Variants in ANKRD13D observed in about 807,000 individuals in gnomAD.
ANKRD13D encodes ankyrin repeat domain-containing protein 13D.
A neutral mutation model predicts 68.8 loss-of-function variants in ANKRD13D; 24 were observed. That is an observed-to-expected ratio of 0.35 (90% CI 0.25 to 0.49). The LOEUF (loss-of-function observed/expected upper bound fraction) is 0.49. Ranked by LOEUF, ANKRD13D falls within the 20% of genes least tolerant of loss-of-function variation. ANKRD13D has a pLI of 0.99. For missense variants in ANKRD13D, 735 were observed against 832.1 expected (o/e 0.88, Z 1.44); for synonymous variants, 331 against 336.1 (o/e 0.98, Z 0.16).
rs1009182671 is a variant in ANKRD13D at position 67,291,826 on chromosome 11, T to C, written c.541+80T>C. The C allele has an allele frequency of 1.4e-5, 22 of 1,560,702 alleles. No homozygotes were observed. The African/African-American group carries it at 3.0e-4, about 21-fold the overall frequency. ...TGGGAGGACGGTGCTGCCTTTTCTC[T>C]CCACTTTCCAGATGTGGAAGCTGAG... On this transcript the variant is annotated intron_variant, in intron 5 of 14. Transcript: ENST00000511455.
chr11:67,296,564 T>C (rs1860763861), intron 6 of ANKRD13D, among the ~76,000 whole-genome samples: 1 of 152,206 alleles, frequency 6.6e-6, no homozygotes, highest in African/African-American at 2.4e-5. Context: ...TTTATTTCTG[T>C]TGCTCCCCTC....
At chr11:67,289,889 G>C (rs899554011) in intron 1 of ANKRD13D, 189 bp from the exon 2 acceptor site, 12 of 1,431,666 alleles carry the variant, frequency 8.4e-6, no homozygotes, top group Non-Finnish European at 9.1e-6. Context: ...GCCAGACCCC[G>C]GCTCTGCCCC....
chr11:67,299,150 T>C lies in ANKRD13D; in HGVS notation c.798+26T>C. 1 of 569,770 alleles carries C rather than the reference T, an allele frequency of 1.8e-6. No homozygotes were observed. Among genetic ancestry groups the C allele is most frequent in the Non-Finnish European group, 3.1e-6 (1 of 325,272 alleles). The allele number at this position is 569,770 out of a possible 1,614,324, so 35.3% of individuals were successfully genotyped here. A position where few individuals can be genotyped will look rare whatever the true frequency, so the allele number is the denominator to read the frequency against. ...GCAGGAGAGGCTAGGGGTGGGGGGC[T>C]GGGGGTAGGAGATGAGGTCCAGGAA... is the stretch of plus-strand genomic sequence containing the variant. On this transcript the variant is annotated intron_variant, in intron 7 of 14. Transcript: ENST00000511455. The surrounding 1 kb of genome is among the most constrained non-coding windows in gnomAD (Gnocchi z 6.2).
At chr11:67,293,211 C>T (rs1860646798) in intron 6 of ANKRD13D, among the ~76,000 whole-genome samples, 1 of 152,118 alleles carries the variant, frequency 6.6e-6, no homozygotes, top group Non-Finnish European at 1.5e-5. Context: ...TTACTGATAA[C>T]TCATTGTTTA....
Position 67,301,483 on chromosome 11 carries a change from C to T in ANKRD13D, c.1349-5C>T. The T allele has an allele frequency of 1.2e-6, 2 of 1,611,788 alleles. No individual in the cohort carries two copies. Among genetic ancestry groups the T allele is most frequent in the Non-Finnish European group, 1.7e-6 (2 of 1,179,094 alleles). On this transcript the variant is annotated splice_region_variant and splice_polypyrimidine_tract_variant and intron_variant, in intron 12 of 14. Transcript: ENST00000511455. The surrounding 1 kb of genome is among the most constrained non-coding windows in gnomAD (Gnocchi z 4.5). ...TTGAGCGTGGCCCCTCTGCCACCTGCCTAGGGAACCCTTTCCCGTGCGAGG... is the reference window on the plus strand; with the variant it reads ...TTGAGCGTGGCCCCTCTGCCACCTGTCTAGGGAACCCTTTCCCGTGCGAGG...
In ANKRD13D at chr11:67,289,557, C is replaced by T. The variant is rs1860440404; in HGVS notation, c.90+7C>T. On this transcript the variant is annotated splice_region_variant and intron_variant, in intron 1 of 14. Transcript: ENST00000511455. Reference sequence around the variant, plus strand: ...CGCACTGCACAGCCACCAGGTGAGGCCCCGCTGGGGCACCCGGCCCTTCCC... The same window carrying T: ...CGCACTGCACAGCCACCAGGTGAGGTCCCGCTGGGGCACCCGGCCCTTCCC... 6.6e-7 allele frequency: 1 copy of T among 1,523,878 alleles called. No homozygotes were observed. Among genetic ancestry groups the T allele is most frequent in the Non-Finnish European group, 8.7e-7 (1 of 1,142,886 alleles). The allele number at this position is 1,523,878 out of a possible 1,614,324, so 94.4% of individuals were successfully genotyped here.
At chr11:67,291,378 C>G in intron 3 of ANKRD13D, 98 bp from the exon 4 acceptor site, 2 of 920,994 alleles carry the variant, frequency 2.2e-6, no homozygotes, top group Non-Finnish European at 3.2e-6. Context: ...AAAAAAAAGA[C>G]CTGATGAAGG....
chr11:67,299,748 A>G lies in ANKRD13D; in HGVS notation c.881-79A>G. On this transcript the variant is annotated intron_variant, in intron 8 of 14. Transcript: ENST00000511455. This position sits in a 1 kb window ranked among gnomAD's most constrained non-coding sequence, Gnocchi z 6.2. The stretch of plus-strand genomic sequence containing the variant: ...CCGTCTGACCCCTCTTCCCCCAGAC[A>G]GTAGGCTCCAGGGGTGGAGGTGGGC... 2 of 1,536,390 alleles carry G rather than the reference A, an allele frequency of 1.3e-6. No individual in the cohort carries two copies. The highest frequency in any genetic ancestry group is 1.8e-6 in the Non-Finnish European group (2 of 1,136,070).
Position 67,299,547 on chromosome 11 carries a change from C to T in ANKRD13D, c.816C>T (p.Asn272=), listed in dbSNP as rs537402292. ...CTCCCCAGGTGTACAGTGCCACCAA[C>T]GTGGAGCTGGTGACACGCACACGCA... The part of the protein sequence containing the change: ...GYEAKVYSAT[N]VELVTRTRTE... The change falls in exon 8 of 15, where the codon AAC becomes AAT. Residue 272 remains asparagine, a synonymous_variant. Coordinates refer to ENST00000511455, the MANE Select transcript of ANKRD13D (RefSeq NM_207354.3). The surrounding 1 kb of genome is among the most constrained non-coding windows in gnomAD (Gnocchi z 6.2). 2.1e-5 allele frequency: 33 copies of T among 1,550,976 alleles called. No individual in the cohort carries two copies. Among genetic ancestry groups the T allele is most frequent in the Middle Eastern group, 1.7e-4 (1 of 5,976 alleles).
At chr11:67,296,742 A>C (rs936056893) in intron 6 of ANKRD13D, among the ~76,000 whole-genome samples, 1 of 151,702 alleles carries the variant, frequency 6.6e-6, no homozygotes, top group Non-Finnish European at 1.5e-5. Flanking sequence ...TGATTCTTCA[A>C]CCTCCCAAGT....
At chr11:67,291,545 C>T in intron 4 of ANKRD13D, 24 bp downstream of exon 4, 1 of 1,613,782 alleles carries the variant, frequency 6.2e-7, no homozygotes, top group South Asian at 1.1e-5. Context: ...TCTGGGCTCC[C>T]AGGGATTTGG....
Position 67,291,631 on chromosome 11 carries a change from C to T in ANKRD13D, c.426C>T (p.Ser142=), listed in dbSNP as rs779191140. The change falls in exon 5 of 15, where the codon AGC becomes AGT. Residue 142 remains serine, a synonymous_variant. Coordinates refer to ENST00000511455, the MANE Select transcript of ANKRD13D (RefSeq NM_207354.3). ...WVPLVSKMCP[S]DVYRVWKRGE... ...CCCTTGTGTCTAAGATGTGCCCAAG[C>T]GATGTGTACCGCGTGTGGAAGCGGG... is the stretch of plus-strand genomic sequence containing the variant. 14 of 1,613,898 alleles carry T rather than the reference C, an allele frequency of 8.7e-6. 1 individual carries two copies. Among genetic ancestry groups the T allele is most frequent in the South Asian group, 3.3e-5 (3 of 91,092 alleles).
At chr11:67,291,840 G>T in intron 5 of ANKRD13D, 94 bp downstream of exon 5, 1 of 1,541,266 alleles carries the variant, frequency 6.5e-7, no homozygotes, top group Non-Finnish European at 8.7e-7. Context: ...CTTTCCAGAT[G>T]TGGAAGCTGA....
intron 5 of ANKRD13D, 47 bp downstream of exon 5, chr11:67,291,793 C>A: frequency 6.2e-7 from 1 of 1,603,790 alleles, no homozygotes. Flanking sequence ...CTTGGGTTTC[C>A]TGCGGCTTGG....
rs1860927613 is a variant in ANKRD13D at position 67,300,243 on chromosome 11, C to T, written c.1073+120C>T. 7 of 1,414,876 alleles carry T rather than the reference C, an allele frequency of 4.9e-6. No individual in the cohort carries two copies. Among genetic ancestry groups the T allele is most frequent in the Non-Finnish European group, 6.7e-6 (7 of 1,038,724 alleles). 87.6% of individuals were successfully genotyped at this position (1,414,876 alleles called of 1,614,324 possible). ...GCTGGCTTCTCTCTGGACTCCACTC[C>T]TGGAGGGCAGGAGTCATGTCTGCCT... On this transcript the variant is annotated intron_variant, in intron 10 of 14. Transcript: ENST00000511455. This position sits in a 1 kb window ranked among gnomAD's most constrained non-coding sequence, Gnocchi z 4.3.
In ANKRD13D at chr11:67,290,417, A is replaced by G. The variant is rs1235204848; in HGVS notation, c.322A>G (p.Ile108Val). The change falls in exon 3 of 15, where the codon ATT becomes GTT. Residue 108 changes from isoleucine (I) to valine (V), a missense_variant. Physicochemically the swap from Ile to Val is conservative, Grantham distance 29. Coordinates refer to ENST00000511455, the MANE Select transcript of ANKRD13D (RefSeq NM_207354.3). ...GAGGGCCACGCAGAGGCTGGCGGGC[A>G]TTCCGGAACTGCTCAACAAACTTCG... ...YQRATQRLAG[I>V]PELLNKLRQA... The G allele has an allele frequency of 1.3e-6, 2 of 1,589,558 alleles. No homozygotes were observed.
Position 67,291,283 on chromosome 11 carries a change from G to A in ANKRD13D, c.352-193G>A, listed in dbSNP as rs568940931. The A allele has an allele frequency of 2.8e-4, 168 of 609,684 alleles. No individual in the cohort carries two copies. In the African/African-American group the frequency reaches 3.0e-3, roughly 11 times the overall value. 37.8% of individuals were successfully genotyped at this position (609,684 alleles called of 1,614,324 possible). ...GAGGTGGAAGAATCACCTGAGCCCA[G>A]GGAGGCAGAGGTTGCAGTGAGCCGA... On this transcript the variant is annotated intron_variant, in intron 3 of 14. Coordinates refer to ENST00000511455, the MANE Select transcript of ANKRD13D (RefSeq NM_207354.3).
intron 6 of ANKRD13D, 89 bp from the exon 7 acceptor site, chr11:67,298,969 C>T: frequency 7.0e-7 from 1 of 1,428,220 alleles, no homozygotes; most frequent in Non-Finnish European, 9.9e-7. Flanking sequence ...GCACCCCGGG[C>T]AGGCTGGCTG....
At position 67,300,246 on chromosome 11, in the gene ANKRD13D, G is replaced by T. The variant is rs2134740974; in HGVS notation, c.1073+123G>T. 7.3e-7 allele frequency: 1 copy of T among 1,374,944 alleles called. No individual in the cohort carries two copies. The highest frequency in any genetic ancestry group is 2.2e-4 in the Middle Eastern group (1 of 4,566). The allele number at this position is 1,374,944 out of a possible 1,614,324, so 85.2% of individuals were successfully genotyped here. A position where few individuals can be genotyped will look rare whatever the true frequency, so the allele number is the denominator to read the frequency against. The stretch of plus-strand genomic sequence containing the variant: ...GGCTTCTCTCTGGACTCCACTCCTG[G>T]AGGGCAGGAGTCATGTCTGCCTTAT... On this transcript the variant is annotated intron_variant, in intron 10 of 14. Transcript: ENST00000511455. The surrounding 1 kb of genome is among the most constrained non-coding windows in gnomAD (Gnocchi z 4.3).
Sources: gnomAD v4.1 joint callset for allele counts (sites outside exome capture counted in the v4.1 genomes callset) on GRCh38, gnomAD v4.1.1 for gene constraint, Gnocchi (gnomAD v3.1) non-coding constraint, MANE v1.5 for transcripts, NCBI Gene and HGNC (gene_info 2026-07-23, HGNC 2026-07-21) for gene names.